FHIT: variants seen among roughly 807,000 people sequenced by gnomAD.
FHIT encodes the protein bis(5'-adenosyl)-triphosphatase.
In FHIT, 19 loss-of-function variants were observed where a neutral mutation model predicts 17.9. The observed-to-expected ratio is 1.06, with a 90% CI of 0.74 to 1.56. The LOEUF (loss-of-function observed/expected upper bound fraction) is 1.56. Among genes scored for constraint, FHIT ranks in the 40% most tolerant of loss-of-function variants. FHIT has a pLI of 0.00. For missense variants in FHIT, 248 were observed against 189.2 expected (o/e 1.31, Z -1.82); for synonymous variants, 81 against 69.7 (o/e 1.16, Z -0.81).
rs979233128 is a variant in FHIT at position 60,374,859 on chromosome 3, C to A, written c.103+162001G>T. On this transcript the variant is annotated intron_variant, in intron 5 of 9. Coordinates refer to ENST00000492590, the MANE Select transcript of FHIT (RefSeq NM_002012.4). ...TAGAAGAGACTGCTAATCACTGAAC[C>A]AGCCCTTGCAGTTTTCTTTGCTGCT... 2.0e-5 allele frequency among the ~76,000 whole-genome samples: 3 copies of A among 151,804 alleles called. No homozygotes were observed. In the East Asian group the frequency reaches 5.8e-4, roughly 29 times the overall value.
At chr3:60,071,825 T>C (rs1357478156) in intron 5 of FHIT, among the ~76,000 whole-genome samples, 1 of 152,216 alleles carries the variant, frequency 6.6e-6, no homozygotes, top group East Asian at 1.9e-4. Context: ...GGCAGTTCTT[T>C]CCCATGCTGT....
chr3:60,913,754 C>A (rs1417652696), intron 3 of FHIT, among the ~76,000 whole-genome samples: 1 of 152,196 alleles, frequency 6.6e-6, no homozygotes, highest in Non-Finnish European at 1.5e-5. Context: ...TCCCTTCATT[C>A]ACATGCCCTT....
At chr3:59,952,369 G>A (rs1260061593) in intron 7 of FHIT, among the ~76,000 whole-genome samples, 1 of 152,130 alleles carries the variant, frequency 6.6e-6, no homozygotes, top group Non-Finnish European at 1.5e-5. Context: ...GTGGGTTGGA[G>A]ACCCTCGGGA....
intron 3 of FHIT, among the ~76,000 whole-genome samples, chr3:61,020,920 T>C (rs1476117798): frequency 6.6e-6 from 1 of 151,730 alleles, no homozygotes; most frequent in Non-Finnish European, 1.5e-5. Flanking sequence ...CCAACAAAGA[T>C]CAAAAAAGAC....
intron 8 of FHIT, among the ~76,000 whole-genome samples, chr3:59,871,934 A>G (rs1702944951): frequency 1.3e-5 from 2 of 152,228 alleles, no homozygotes; most frequent in Admixed American, 6.5e-5. Context: ...TACAGAGATA[A>G]TACACATCTA....
intron 6 of FHIT, among the ~76,000 whole-genome samples, chr3:60,013,599 G>C (rs1700222815): frequency 6.6e-6 from 1 of 152,158 alleles, no homozygotes; most frequent in Non-Finnish European, 1.5e-5. Flanking sequence ...ATTAAAGACA[G>C]ACAAAAGGTA....
chr3:60,014,086 T>A lies in FHIT; in HGVS notation c.170A>T (p.Asp57Val). ...GACTCTCTGGGTCGTCTGAAACAAA[T>A]CGGCCACTTCATCAGGACGCAGGTC... ...FHDLRPDEVA[D>V]LFQTTQRVGT... is the part of the protein sequence containing the mutation. The change falls in exon 6 of 10, where the codon GAT (aspartate) becomes GTT (valine). Residue 57 changes from aspartate (D) to valine (V), a missense_variant. Physicochemically the swap from Asp to Val is radical, Grantham distance 152. Transcript: ENST00000492590. The A allele has an allele frequency of 6.2e-7, 1 of 1,613,994 alleles. No individual in the cohort carries two copies. Among genetic ancestry groups the A allele is most frequent in the Non-Finnish European group, 8.5e-7 (1 of 1,179,954 alleles).
chr3:60,991,078 G>A (rs2030165319), intron 3 of FHIT, among the ~76,000 whole-genome samples: 1 of 152,218 alleles, frequency 6.6e-6, no homozygotes, highest in Admixed American at 6.5e-5. Flanking sequence ...TAGAGAGACA[G>A]GTCCTTCCTA....
At chr3:60,181,397 C>T (rs1434349461) in intron 5 of FHIT, among the ~76,000 whole-genome samples, 4 of 152,090 alleles carry the variant, frequency 2.6e-5, no homozygotes, top group Admixed American at 6.6e-5. Flanking sequence ...CTGCCCACCT[C>T]GGCCTCCCAA....
intron 5 of FHIT, among the ~76,000 whole-genome samples, chr3:60,156,566 T>C (rs1050826872): frequency 2.0e-5 from 3 of 151,614 alleles, no homozygotes; most frequent in South Asian, 4.2e-4. Context: ...CTAGGCAACA[T>C]AGTGAGATCT....
intron 3 of FHIT, among the ~76,000 whole-genome samples, chr3:60,976,096 C>CTTTTTTTT (rs869239307): frequency 0.015 from 970 of 66,770 alleles, 151 homozygotes; most frequent in South Asian, 0.015. Flanking sequence ...TTTTCTTTTT[C>CTTTTTTTT]TTTTTTTTTT....
chr3:59,850,094 T>A (rs932481940), intron 8 of FHIT, among the ~76,000 whole-genome samples: 2 of 152,216 alleles, frequency 1.3e-5, no homozygotes, highest in African/African-American at 4.8e-5. Flanking sequence ...ATGCTGGTAG[T>A]TAATTTAATA....
At chr3:60,409,025 G>C (rs1011692893) in intron 5 of FHIT, among the ~76,000 whole-genome samples, 1 of 152,116 alleles carries the variant, frequency 6.6e-6, no homozygotes, top group East Asian at 1.9e-4. Flanking sequence ...TGCAGCTTAA[G>C]AGTTGGGTGA....
chr3:61,085,873 A>T (rs143818070), intron 2 of FHIT, among the ~76,000 whole-genome samples: 96 of 152,266 alleles, frequency 6.3e-4, no homozygotes, highest in African/African-American at 2.2e-3. Flanking sequence ...CAATTTGTTC[A>T]TAGTTTATAA....
At chr3:60,073,055 C>G (rs558728098) in intron 5 of FHIT, among the ~76,000 whole-genome samples, 1 of 152,306 alleles carries the variant, frequency 6.6e-6, no homozygotes, top group South Asian at 2.1e-4. Flanking sequence ...AAGTTTGAAA[C>G]TAGGTCTTCT....
At chr3:61,131,685 T>C (rs1252655070) in intron 2 of FHIT, among the ~76,000 whole-genome samples, 1 of 152,222 alleles carries the variant, frequency 6.6e-6, no homozygotes. Flanking sequence ...ATGAGCCCAG[T>C]CTGCTGTGCA....
At chr3:59,789,247 T>C (rs1213160805) in intron 8 of FHIT, among the ~76,000 whole-genome samples, 4 of 152,190 alleles carry the variant, frequency 2.6e-5, no homozygotes, top group South Asian at 2.1e-4. Context: ...ATTTAAAATA[T>C]TGACTATCTA....
At chr3:61,022,888 C>T (rs540430770) in intron 3 of FHIT, among the ~76,000 whole-genome samples, 1 of 152,058 alleles carries the variant, frequency 6.6e-6, no homozygotes, top group African/African-American at 2.4e-5. Context: ...AGCCAATATC[C>T]CACCAAATGA....
intron 5 of FHIT, among the ~76,000 whole-genome samples, chr3:60,524,931 A>C (rs1229939572): frequency 6.6e-6 from 1 of 152,218 alleles, no homozygotes; most frequent in Non-Finnish European, 1.5e-5. Context: ...AGATATGGAC[A>C]TCTCTTTTGA....
Sources: allele counts gnomAD v4.1 joint callset (sites outside exome capture counted in the v4.1 genomes callset), GRCh38; gene constraint gnomAD v4.1.1; transcripts MANE v1.5; gene names NCBI Gene and HGNC (gene_info 2026-07-23, HGNC 2026-07-21).